The following TAFA4 variants were observed in gnomAD, a reference collection of about 807,000 sequenced individuals.
TAFA4 encodes the protein chemokine-like protein TAFA-4.
Under a neutral mutation model 21.1 loss-of-function variants are expected in TAFA4, and 20 were observed. The observed-to-expected ratio is 0.95, with a 90% CI of 0.67 to 1.38. TAFA4 has a LOEUF of 1.38. TAFA4 is among the 40% of genes most tolerant of loss of function. The pLI, the probability that TAFA4 is intolerant of heterozygous loss-of-function variation, is 0.00. For missense variants in TAFA4, 211 were observed against 180.9 expected, an observed-to-expected ratio of 1.17 and a Z score of -0.95; for synonymous variants, 71 against 67.4, an observed-to-expected ratio of 1.05 and a Z score of -0.26.
intron 3 of TAFA4, among the ~76,000 whole-genome samples, chr3:68,861,629 GGAC>G (rs2089345898): frequency 6.6e-6 from 1 of 151,994 alleles, no homozygotes; most frequent in Non-Finnish European, 1.5e-5. Context: ...CACAGAGAAA[GGAC>G]GACATGGTTG....
intron 3 of TAFA4, among the ~76,000 whole-genome samples, chr3:68,862,486 T>A (rs955557242): frequency 2.6e-5 from 4 of 152,140 alleles, no homozygotes; most frequent in Non-Finnish European, 5.9e-5. Flanking sequence ...TTTAGCCTAA[T>A]TAACCTGCTT....
chr3:68,753,691 C>CA, intron 3 of TAFA4, among the ~76,000 whole-genome samples: 1 of 152,212 alleles, frequency 6.6e-6, no homozygotes, highest in East Asian at 1.9e-4. Flanking sequence ...TCAGGCCATT[C>CA]AGGGCTCAAA....
intron 3 of TAFA4, among the ~76,000 whole-genome samples, chr3:68,868,499 G>A (rs143418642): frequency 6.6e-6 from 1 of 152,038 alleles, no homozygotes; most frequent in African/African-American, 2.4e-5. Context: ...CACATGTTGA[G>A]TGACAAAACA....
At chr3:68,748,610 G>A (rs746283701) in intron 4 of TAFA4, among the ~76,000 whole-genome samples, 29 of 152,124 alleles carry the variant, frequency 1.9e-4, no homozygotes, top group Non-Finnish European at 2.9e-5. Flanking sequence ...CAGGCATGGT[G>A]GCACGCACCT....
rs145500100 is a variant in TAFA4 at position 68,806,923 on chromosome 3, G to A, written c.131-53905C>T. Reference sequence around the variant, plus strand: ...ATATGGTATTCTGTTACAGCATCCTGAAAGGCCTAAGGCATTTACTGAGTG... The same window carrying A: ...ATATGGTATTCTGTTACAGCATCCTAAAAGGCCTAAGGCATTTACTGAGTG... On this transcript the variant is annotated intron_variant, in intron 3 of 5. Coordinates refer to ENST00000295569, the MANE Select transcript of TAFA4 (RefSeq NM_182522.5). 4.4e-3 allele frequency among the ~76,000 whole-genome samples: 663 copies of A among 152,276 alleles called. 5 individuals are homozygous for A. The highest frequency in any genetic ancestry group is 0.015 in the African/African-American group (642 of 41,564).
chr3:68,926,206 G>T (rs1489074580), intron 1 of TAFA4, among the ~76,000 whole-genome samples: 1 of 149,316 alleles, frequency 6.7e-6, no homozygotes, highest in Non-Finnish European at 1.5e-5. Context: ...TCCAGCCTGG[G>T]CAACAGAGAC....
intron 3 of TAFA4, among the ~76,000 whole-genome samples, chr3:68,839,049 G>C (rs891582234): frequency 6.6e-6 from 1 of 152,218 alleles, no homozygotes; most frequent in African/African-American, 2.4e-5. Flanking sequence ...AATGAGCCAT[G>C]ATTATGCCAC....
At chr3:68,863,885 A>G (rs2089383150) in intron 3 of TAFA4, among the ~76,000 whole-genome samples, 1 of 152,156 alleles carries the variant, frequency 6.6e-6, no homozygotes, top group Non-Finnish European at 1.5e-5. Flanking sequence ...AAGTAACAAG[A>G]GAACAATGTA....
intron 3 of TAFA4, among the ~76,000 whole-genome samples, chr3:68,757,814 C>A (rs1702685966): frequency 6.6e-6 from 1 of 152,134 alleles, no homozygotes; most frequent in Non-Finnish European, 1.5e-5. Context: ...TAGCACCTTA[C>A]AATTATAATT....
chr3:68,735,189 A>AGAAGGGGAAAT (rs6147873), intron 5 of TAFA4, among the ~76,000 whole-genome samples: 5 of 151,518 alleles, frequency 3.3e-5, no homozygotes, highest in Non-Finnish European at 5.9e-5. Flanking sequence ...GTGGAATTTT[A>AGAAGGGGAAAT]GAAGGGCAAG....
intron 3 of TAFA4, among the ~76,000 whole-genome samples, chr3:68,850,248 A>T (rs1400817249): frequency 6.6e-6 from 1 of 152,184 alleles, no homozygotes; most frequent in Non-Finnish European, 1.5e-5. Context: ...GCATTGTTTC[A>T]GTTGCTCATT....
intron 3 of TAFA4, among the ~76,000 whole-genome samples, chr3:68,794,212 A>C (rs1196061564): frequency 6.6e-6 from 1 of 152,184 alleles, no homozygotes; most frequent in Non-Finnish European, 1.5e-5. Flanking sequence ...AACCCAAGCT[A>C]AGGAAAGACT....
chr3:68,806,492 C>G (rs186476580), intron 3 of TAFA4, among the ~76,000 whole-genome samples: 1 of 152,122 alleles, frequency 6.6e-6, no homozygotes, highest in Non-Finnish European at 1.5e-5. Context: ...AGTTTTTACC[C>G]TAACTCTTTT....
At chr3:68,785,159 G>C (rs1214591870) in intron 3 of TAFA4, among the ~76,000 whole-genome samples, 1 of 152,242 alleles carries the variant, frequency 6.6e-6, no homozygotes, top group Non-Finnish European at 1.5e-5. Flanking sequence ...CATTGAGCTA[G>C]ATACAGAGTG....
chr3:68,771,426 G>A (rs7624916), intron 3 of TAFA4, among the ~76,000 whole-genome samples: 3 of 152,202 alleles, frequency 2.0e-5, no homozygotes, highest in South Asian at 4.1e-4. Flanking sequence ...CATGGCCTCT[G>A]TATCTGCCCA....
At chr3:68,835,431 T>C (rs1298535822) in intron 3 of TAFA4, among the ~76,000 whole-genome samples, 1 of 152,240 alleles carries the variant, frequency 6.6e-6, no homozygotes, top group Non-Finnish European at 1.5e-5. Context: ...GCTGAATGAA[T>C]GAACGACGTA....
At chr3:68,773,861 G>A (rs140461171) in intron 3 of TAFA4, among the ~76,000 whole-genome samples, 153 of 152,252 alleles carry the variant, frequency 1.0e-3, no homozygotes, top group African/African-American at 3.2e-3. Context: ...AATAATGTGC[G>A]ATGAAAACAG....
chr3:68,835,111 G>C (rs1425448038), intron 3 of TAFA4, among the ~76,000 whole-genome samples: 1 of 152,008 alleles, frequency 6.6e-6, no homozygotes, highest in Admixed American at 6.6e-5. Flanking sequence ...CTCTGCACCT[G>C]CTGTGTCCAC....
At chr3:68,857,751 A>G (rs1705102354) in intron 3 of TAFA4, among the ~76,000 whole-genome samples, 2 of 152,046 alleles carry the variant, frequency 1.3e-5, no homozygotes, top group African/African-American at 4.8e-5. Context: ...AATGAATGTA[A>G]GATTTCACTG....
Sources: gnomAD v4.1 joint callset for allele counts (sites outside exome capture counted in the v4.1 genomes callset) on GRCh38, gnomAD v4.1.1 for gene constraint, MANE v1.5 for transcripts, NCBI Gene and HGNC (gene_info 2026-07-23, HGNC 2026-07-21) for gene names.